ZDHHC11B: variants seen among roughly 807,000 people sequenced by gnomAD.
The protein encoded by ZDHHC11B is probable palmitoyltransferase ZDHHC11B.
Under a neutral mutation model 42.3 loss-of-function variants are expected in ZDHHC11B, and 17 were observed. The observed-to-expected ratio is 0.40, with a 90% CI of 0.27 to 0.60. The LOEUF is 0.60. Ranked by LOEUF, ZDHHC11B falls within the 20% of genes least tolerant of loss-of-function variation. ZDHHC11B has a pLI of 0.41. For missense variants in ZDHHC11B, 262 were observed against 463.2 expected, an observed-to-expected ratio of 0.57 and a Z score of 3.99; for synonymous variants, 123 against 193.5, an observed-to-expected ratio of 0.64 and a Z score of 3.02.
At chr5:719,432 G>T (rs375152007) in intron 12 of ZDHHC11B, among the ~76,000 whole-genome samples, 31 of 151,488 alleles carry the variant, frequency 2.0e-4, no homozygotes, top group East Asian at 1.9e-4. Context: ...AATAAAGTAG[G>T]AAAATTACAT....
intron 6 of ZDHHC11B, among the ~76,000 whole-genome samples, chr5:753,676 T>A (rs1258346722): frequency 6.7e-6 from 1 of 148,276 alleles, no homozygotes; most frequent in Non-Finnish European, 1.5e-5. Flanking sequence ...AGGAGGCGGG[T>A]GGGTCTCCCC....
chr5:777,251 A>G (rs1736586190), intron 1 of ZDHHC11B, among the ~76,000 whole-genome samples: 1 of 151,798 alleles, frequency 6.6e-6, no homozygotes, highest in Non-Finnish European at 1.5e-5. Flanking sequence ...CTTCAAGGTG[A>G]CGCCTCTGGA....
At chr5:716,469 A>G (rs1741758924) in intron 13 of ZDHHC11B, among the ~76,000 whole-genome samples, 1 of 151,884 alleles carries the variant, frequency 6.6e-6, no homozygotes, top group Non-Finnish European at 1.5e-5. Flanking sequence ...GGTGTTCATT[A>G]TTTAAAGTTC....
intron 1 of ZDHHC11B, among the ~76,000 whole-genome samples, chr5:776,889 C>T (rs1194447437): frequency 1.3e-5 from 2 of 151,908 alleles, no homozygotes; most frequent in African/African-American, 2.4e-5. Context: ...ATCGCACGGC[C>T]CTCCTGCTCC....
chr5:737,684 A>G (rs1743695167), intron 10 of ZDHHC11B, among the ~76,000 whole-genome samples: 1 of 149,766 alleles, frequency 6.7e-6, no homozygotes, highest in Admixed American at 6.8e-5. Context: ...TCACAAAAAC[A>G]GAATTAAAAA....
chr5:766,286 G>A (rs1280925624), intron 4 of ZDHHC11B, among the ~76,000 whole-genome samples: 8 of 133,134 alleles, frequency 6.0e-5, no homozygotes, highest in South Asian at 2.7e-4. Flanking sequence ...TTTGGGAGAC[G>A]GGAGCAGACC....
intron 9 of ZDHHC11B, among the ~76,000 whole-genome samples, chr5:744,432 C>A (rs552113894): frequency 2.7e-5 from 4 of 148,912 alleles, no homozygotes; most frequent in South Asian, 2.3e-4. Flanking sequence ...GACTACAGGG[C>A]CTGGGATTTT....
At chr5:784,064 G>C (rs1737073729) in intron 1 of ZDHHC11B, among the ~76,000 whole-genome samples, 1 of 151,534 alleles carries the variant, frequency 6.6e-6, no homozygotes, top group Admixed American at 6.6e-5. Flanking sequence ...ACAGGCCCGC[G>C]GACAGTAGCC....
rs531243573 is a variant in ZDHHC11B at position 771,477 on chromosome 5, C to A, written c.-229-2547G>T. 6.2e-3 allele frequency among the ~76,000 whole-genome samples: 290 copies of A among 47,004 alleles called. 2 individuals carry two copies. The highest frequency in any genetic ancestry group is 0.042 in the Middle Eastern group (3 of 72). The allele number at this position is 47,004 out of a possible 152,430, so 30.8% of individuals were successfully genotyped here. ...GCAGGGTCTCATGGGGGCAGGACCG[C>A]GTGGGGGCAGGATCCTGGTGGGGGC... On this transcript the variant is annotated intron_variant, in intron 1 of 13. Coordinates refer to ENST00000508859, the MANE Select transcript of ZDHHC11B (RefSeq NM_001351303.2).
intron 11 of ZDHHC11B, among the ~76,000 whole-genome samples, chr5:732,880 T>G (rs1485897991): frequency 2.6e-5 from 4 of 151,792 alleles, no homozygotes; most frequent in Non-Finnish European, 5.9e-5. Context: ...AGATCCCATC[T>G]CTTAAGAAAT....
Position 716,946 on chromosome 5 carries a change from G to T in ZDHHC11B, c.1059-81C>A, listed in dbSNP as rs1467281174. ...TATACTGCCAAAGTGCACAAAATGTGTAAACAAGAGTACATTTTAGAGATT... is the reference window on the plus strand; with the variant it reads ...TATACTGCCAAAGTGCACAAAATGTTTAAACAAGAGTACATTTTAGAGATT... On this transcript the variant is annotated intron_variant, in intron 12 of 13. Transcript: ENST00000508859. 6.9e-6 allele frequency: 11 copies of T among 1,589,890 alleles called. No individual in the cohort carries two copies. The South Asian group carries it at 1.1e-4, about 16-fold the overall frequency.
intron 1 of ZDHHC11B, among the ~76,000 whole-genome samples, chr5:772,307 G>A (rs1292810297): frequency 6.8e-6 from 1 of 148,036 alleles, no homozygotes; most frequent in Non-Finnish European, 1.5e-5. Flanking sequence ...AGCACAGCAA[G>A]CAGCATGAGA....
intron 10 of ZDHHC11B, among the ~76,000 whole-genome samples, chr5:736,726 C>T (rs9686319): frequency 0.023 from 3,028 of 129,260 alleles, 8 homozygotes; most frequent in East Asian, 0.13. Context: ...ATCTTTGGGT[C>T]GACAATGAAA....
chr5:765,615 C>G (rs1370531097), intron 4 of ZDHHC11B, among the ~76,000 whole-genome samples: 2 of 151,864 alleles, frequency 1.3e-5, no homozygotes, highest in Non-Finnish European at 2.9e-5. Context: ...GGGTTCTCTT[C>G]CACATTGTGG....
rs1244987611 is a variant in ZDHHC11B, at chr5:766,256, CAGACACGGGCTTCCCCCTCTTTG to C, written c.222+419_222+441del. Among the ~76,000 whole-genome samples the C allele has an allele frequency of 3.3e-5, 5 of 151,668 alleles. No homozygotes were observed. In the East Asian group the frequency reaches 9.7e-4, roughly 29 times the overall value. On this transcript the variant is annotated intron_variant, in intron 4 of 13. Transcript: ENST00000508859. ...TCCCCTACCCACTGGGAGACAGGAG[CAGACACGGGCTTCCCCCTCTTTG>C]GGAGACGGGAGCAGACCCGGGACCC...
intron 6 of ZDHHC11B, among the ~76,000 whole-genome samples, chr5:751,476 G>A (rs1468685256): frequency 2.9e-5 from 1 of 35,000 alleles, no homozygotes; most frequent in Admixed American, 3.9e-4. Context: ...GGCAGGGGCG[G>A]GGGCATGCAG....
intron 1 of ZDHHC11B, among the ~76,000 whole-genome samples, chr5:777,891 G>A (rs1736666283): frequency 6.6e-6 from 1 of 151,514 alleles, no homozygotes; most frequent in Non-Finnish European, 1.5e-5. Flanking sequence ...GGAGGCCCCA[G>A]CACCGAGGGA....
Position 751,751 on chromosome 5 carries a change from C to A in ZDHHC11B, c.504-494G>T, listed in dbSNP as rs1305196825. 1.6e-5 allele frequency among the ~76,000 whole-genome samples: 2 copies of A among 126,170 alleles called. 1 individual carries two copies. Among genetic ancestry groups the A allele is most frequent in the Non-Finnish European group, 3.5e-5 (2 of 56,578 alleles). The allele number at this position is 126,170 out of a possible 152,430, so 82.8% of individuals were successfully genotyped here. A position where few individuals can be genotyped will look rare whatever the true frequency, so the allele number is the denominator to read the frequency against. The stretch of plus-strand genomic sequence containing the variant: ...TCTCTGTGCCATCCTGTGACGCCCC[C>A]CCAGGTCTCCAGGCCTCTCGCTGGA... On this transcript the variant is annotated intron_variant, in intron 6 of 13. Transcript: ENST00000508859.
At chr5:748,068 T>C in intron 8 of ZDHHC11B, 1 of 488,188 alleles carries the variant, frequency 2.0e-6, no homozygotes, top group South Asian at 3.1e-5. Context: ...TGTCCTGTTC[T>C]TGCCTAATAG....
Sources: allele counts gnomAD v4.1 joint callset (sites outside exome capture counted in the v4.1 genomes callset), GRCh38; gene constraint gnomAD v4.1.1; transcripts MANE v1.5; gene names NCBI Gene and HGNC (gene_info 2026-07-23, HGNC 2026-07-21).